DPP6: variants seen among roughly 807,000 people sequenced by gnomAD.
DPP6 encodes A-type potassium channel modulatory protein DPP6.
DPP6 carries 69 observed loss-of-function variants against 122.6 expected under a neutral mutation model. The ratio of observed to expected loss-of-function variants is 0.56; its 90% CI spans 0.46 to 0.69. The LOEUF (loss-of-function observed/expected upper bound fraction) is 0.69, where lower values mean the gene tolerates loss of function less well. DPP6 is among the 30% of genes least tolerant of loss of function. The pLI is 0.00. For missense variants in DPP6, 928 were observed against 1,116.9 expected, an observed-to-expected ratio of 0.83 and a Z score of 2.41; for synonymous variants, 418 against 433.1, an observed-to-expected ratio of 0.97 and a Z score of 0.43.
chr7:154,889,828 C>A, intron 25 of DPP6: 1 of 417,838 alleles, frequency 2.4e-6, no homozygotes, highest in Non-Finnish European at 4.3e-6. Context: ...ACCAAGCCAG[C>A]ACCCACCCTG....
intron 1 of DPP6, among the ~76,000 whole-genome samples, chr7:154,374,016 G>T (rs1812899457): frequency 6.6e-6 from 1 of 152,166 alleles, no homozygotes; most frequent in Non-Finnish European, 1.5e-5. Flanking sequence ...TAAACTGATT[G>T]CCTTATAAGC....
chr7:154,159,975 G>T (rs1796895962), intron 1 of DPP6, among the ~76,000 whole-genome samples: 1 of 152,168 alleles, frequency 6.6e-6, no homozygotes, highest in South Asian at 2.1e-4. Flanking sequence ...TGGGTATGGT[G>T]GCACATGCCT....
At chr7:154,012,819 A>C (rs1798210642) in intron 1 of DPP6, among the ~76,000 whole-genome samples, 1 of 152,190 alleles carries the variant, frequency 6.6e-6, no homozygotes, top group Non-Finnish European at 1.5e-5. Context: ...CTTTTAATTG[A>C]ATGTAGAACA....
intron 2 of DPP6, among the ~76,000 whole-genome samples, chr7:154,461,497 G>T (rs1434233046): frequency 1.3e-5 from 2 of 152,144 alleles, no homozygotes; most frequent in Non-Finnish European, 2.9e-5. Context: ...GTGTATGAGG[G>T]TTTCCTTTTC....
intron 5 of DPP6, among the ~76,000 whole-genome samples, chr7:154,619,213 C>G (rs116674974): frequency 0.026 from 3,939 of 152,214 alleles, 174 homozygotes; most frequent in African/African-American, 0.089. Flanking sequence ...CAGACTAATA[C>G]GCACATACCA....
At chr7:154,590,360 C>T (rs1832734178) in intron 5 of DPP6, among the ~76,000 whole-genome samples, 1 of 151,432 alleles carries the variant, frequency 6.6e-6, no homozygotes, top group African/African-American at 2.4e-5. Context: ...TTTTTTTATG[C>T]TTTTACATCT....
At chr7:154,476,603 G>A (rs1822761022) in intron 3 of DPP6, among the ~76,000 whole-genome samples, 1 of 152,186 alleles carries the variant, frequency 6.6e-6, no homozygotes, top group African/African-American at 2.4e-5. Flanking sequence ...CTCAAAGGAT[G>A]TCCCAGAGAC....
At chr7:154,278,942 T>G (rs1585812803) in intron 1 of DPP6, among the ~76,000 whole-genome samples, 1 of 152,086 alleles carries the variant, frequency 6.6e-6, no homozygotes, top group East Asian at 1.9e-4. Context: ...TGTGTGTTTG[T>G]TGTGTGGTAT....
At chr7:154,316,775 A>G (rs1807465228) in intron 1 of DPP6, among the ~76,000 whole-genome samples, 1 of 152,192 alleles carries the variant, frequency 6.6e-6, no homozygotes, top group Admixed American at 6.5e-5. Flanking sequence ...TTTCTTACAC[A>G]GAAGTGAATG....
chr7:154,837,383 C>T (rs1313904195), intron 16 of DPP6, among the ~76,000 whole-genome samples: 1 of 152,088 alleles, frequency 6.6e-6, no homozygotes, highest in Admixed American at 6.5e-5. Flanking sequence ...TTCACACATG[C>T]ACGCACACAT....
intron 7 of DPP6, among the ~76,000 whole-genome samples, chr7:154,669,712 G>A (rs1398927636): frequency 1.3e-5 from 2 of 152,186 alleles, no homozygotes; most frequent in African/African-American, 4.8e-5. Flanking sequence ...AACTGTAGCT[G>A]TGTCTATGGA....
At chr7:154,576,836 G>A (rs1475007209) in intron 5 of DPP6, among the ~76,000 whole-genome samples, 1 of 152,142 alleles carries the variant, frequency 6.6e-6, no homozygotes, top group Non-Finnish European at 1.5e-5. Context: ...GAGAGATCAG[G>A]TATTTTCAGA....
Position 154,481,318 on chromosome 7 carries a change from G to A in DPP6, c.457+6281G>A, listed in dbSNP as rs1823255197. ...TTCTCTAGCTCAAATGCTCTTCCGA[G>A]CTATACACTTGGAGAGAGAGAGAGA... On this transcript the variant is annotated intron_variant, in intron 3 of 25. Transcript: ENST00000377770. This position sits in a 1 kb window ranked among gnomAD's most constrained non-coding sequence, Gnocchi z 4.2. Among the ~76,000 whole-genome samples, 2 of 151,278 alleles carry A rather than the reference G, an allele frequency of 1.3e-5. No individual in the cohort carries two copies.
chr7:154,404,212 T>C (rs1411526906), intron 1 of DPP6, among the ~76,000 whole-genome samples: 1 of 152,194 alleles, frequency 6.6e-6, no homozygotes, highest in African/African-American at 2.4e-5. Flanking sequence ...TCCCTCTGCA[T>C]AGGACTGTAA....
At chr7:153,833,966 C>T in the DPP6 span, among the ~76,000 whole-genome samples, 1 of 152,126 alleles carries the variant, frequency 6.6e-6, no homozygotes, top group Non-Finnish European at 1.5e-5. Context: ...TTGCCTTGTA[C>T]TTTAAACTCC....
At chr7:154,022,042 C>T (rs537804245) in intron 1 of DPP6, among the ~76,000 whole-genome samples, 2 of 152,174 alleles carry the variant, frequency 1.3e-5, no homozygotes, top group East Asian at 3.9e-4. Context: ...TCAACTCCCC[C>T]TCTCAATGGG....
chr7:154,866,009 AC>A (rs1803844495), intron 17 of DPP6, among the ~76,000 whole-genome samples: 1 of 152,198 alleles, frequency 6.6e-6, no homozygotes, highest in South Asian at 2.1e-4. Context: ...AATGACCAAA[AC>A]TTTCATTTGG....
At chr7:154,369,665 C>G (rs1812480376) in intron 1 of DPP6, among the ~76,000 whole-genome samples, 1 of 152,122 alleles carries the variant, frequency 6.6e-6, no homozygotes, top group African/African-American at 2.4e-5. Context: ...CACACCCAGC[C>G]TCAACTGTTA....
At chr7:154,687,550 C>A (rs1185725871) in intron 7 of DPP6, among the ~76,000 whole-genome samples, 1 of 152,030 alleles carries the variant, frequency 6.6e-6, no homozygotes, top group East Asian at 1.9e-4. Context: ...GGGTTGTTTG[C>A]CCCTTTCTTA....
Sources: allele counts gnomAD v4.1 joint callset (sites outside exome capture counted in the v4.1 genomes callset), GRCh38; gene constraint gnomAD v4.1.1; non-coding constraint Gnocchi (gnomAD v3.1); transcripts MANE v1.5; gene names NCBI Gene and HGNC (gene_info 2026-07-23, HGNC 2026-07-21).